Variants in TIAM1 observed in about 807,000 individuals in gnomAD.
The protein encoded by TIAM1 is rho guanine nucleotide exchange factor TIAM1.
TIAM1 carries 65 observed loss-of-function variants against 163.5 expected under a neutral mutation model. The ratio of observed to expected loss-of-function variants is 0.40; its 90% confidence interval spans 0.33 to 0.49. TIAM1 has a LOEUF of 0.49. TIAM1 is among the 20% of genes least tolerant of loss of function. The probability of loss-of-function intolerance (pLI) is 0.77; values close to 1 mark genes in which losing one functional copy is unlikely to be tolerated. For synonymous variants in TIAM1, 833 were observed against 810.1 expected (o/e 1.03, Z -0.48); for missense variants, 1,789 against 2,044.7 (o/e 0.87, Z 2.41).
intron 20 of TIAM1, among the ~76,000 whole-genome samples, chr21:31,142,463 CAAAAAAAAAAAA>C (rs34368848): frequency 2.0e-5 from 1 of 49,926 alleles, no homozygotes; most frequent in South Asian, 1.1e-3. Context: ...ACTAAAAATA[CAAAAAAAAAAAA>C]AAAAAAAAAA....
At chr21:31,546,610 G>A (rs1014443116) in intron 1 of TIAM1, among the ~76,000 whole-genome samples, 1 of 146,592 alleles carries the variant, frequency 6.8e-6, no homozygotes, top group African/African-American at 2.4e-5. Flanking sequence ...TGAGAAAAAT[G>A]GAGAAGGGTG....
intron 15 of TIAM1, among the ~76,000 whole-genome samples, chr21:31,180,275 T>A (rs567183624): frequency 6.6e-6 from 1 of 151,970 alleles, no homozygotes; most frequent in African/African-American, 2.4e-5. Flanking sequence ...AAAAACAAAT[T>A]GTGAGCAATC....
intron 26 of TIAM1, 107 bp from the exon 27 acceptor site, chr21:31,124,801 A>T: frequency 1.0e-6 from 1 of 963,608 alleles, no homozygotes; most frequent in Non-Finnish European, 1.5e-6. Flanking sequence ...GCCAAAGGCT[A>T]AAGACTGAGG....
At chr21:31,487,302 G>A (rs1333414331) in intron 1 of TIAM1, among the ~76,000 whole-genome samples, 2 of 152,122 alleles carry the variant, frequency 1.3e-5, no homozygotes, top group South Asian at 4.1e-4. Flanking sequence ...ATACTGCCAC[G>A]GTTCACACGT....
intron 20 of TIAM1, among the ~76,000 whole-genome samples, chr21:31,142,149 A>G (rs566708720): frequency 2.0e-5 from 3 of 152,186 alleles, no homozygotes; most frequent in African/African-American, 4.8e-5. Context: ...TCTGGCCCGC[A>G]TGGCATGGGG....
At chr21:31,422,017 C>A (rs535831585) in intron 2 of TIAM1, among the ~76,000 whole-genome samples, 5 of 152,056 alleles carry the variant, frequency 3.3e-5, no homozygotes, top group African/African-American at 1.2e-4. Context: ...GACAGAATGA[C>A]CCTGTCTCTA....
intron 3 of TIAM1, among the ~76,000 whole-genome samples, chr21:31,272,212 A>C (rs1458803461): frequency 6.6e-6 from 1 of 152,232 alleles, no homozygotes; most frequent in African/African-American, 2.4e-5. Flanking sequence ...TAAGTGTTGA[A>C]TATTTCATGT....
At chr21:31,199,951 T>C (rs1172489595) in intron 12 of TIAM1, among the ~76,000 whole-genome samples, 1 of 150,334 alleles carries the variant, frequency 6.7e-6, no homozygotes, top group African/African-American at 2.4e-5. Context: ...TAAAATAAAA[T>C]AGCAACAAGA....
intron 27 of TIAM1, among the ~76,000 whole-genome samples, chr21:31,123,273 C>A (rs186839793): frequency 2.7e-4 from 41 of 152,282 alleles, no homozygotes; most frequent in Admixed American, 1.1e-3. Flanking sequence ...TATTCCCAAA[C>A]CTTTTTAAAC....
intron 2 of TIAM1, among the ~76,000 whole-genome samples, chr21:31,376,442 A>C (rs1487742978): frequency 6.6e-6 from 1 of 152,184 alleles, no homozygotes; most frequent in Non-Finnish European, 1.5e-5. Flanking sequence ...AGGGAAAGAC[A>C]TACAGTGTTT....
At chr21:31,528,352 A>C (rs977232538) in intron 1 of TIAM1, among the ~76,000 whole-genome samples, 1 of 151,904 alleles carries the variant, frequency 6.6e-6, no homozygotes, top group Non-Finnish European at 1.5e-5. Flanking sequence ...CTGTCTCTAC[A>C]AAAAATTTGA....
At chr21:31,546,073 T>TA (rs397866875) in intron 1 of TIAM1, among the ~76,000 whole-genome samples, 2 of 151,318 alleles carry the variant, frequency 1.3e-5, no homozygotes, top group African/African-American at 4.9e-5. Context: ...TAATTTATTT[T>TA]AAAAAAAATT....
At position 31,245,481 on chromosome 21, in the gene TIAM1, A is replaced by G; in HGVS notation, c.1584+7T>C. The G allele has an allele frequency of 6.7e-7, 1 of 1,490,530 alleles. No individual in the cohort carries two copies. Among genetic ancestry groups the G allele is most frequent in the Admixed American group, 2.1e-5 (1 of 47,232 alleles). The allele number at this position is 1,490,530 out of a possible 1,614,324, so 92.3% of individuals were successfully genotyped here. A position where few individuals can be genotyped will look rare whatever the true frequency, so the allele number is the denominator to read the frequency against. On this transcript the variant is annotated splice_region_variant and intron_variant, in intron 6 of 27. Coordinates refer to ENST00000541036, the MANE Select transcript of TIAM1 (RefSeq NM_001353694.2). ...GAAATGCCCTGCAAAGGAAGTGCCCAACAAACCTGAAAAAGGAAGGCATCA... is the reference window on the plus strand; with the variant it reads ...GAAATGCCCTGCAAAGGAAGTGCCCGACAAACCTGAAAAAGGAAGGCATCA...
chr21:31,553,755 C>G lies in TIAM1; in HGVS notation c.-422+5172G>C, dbSNP rs1011448245. Among the ~76,000 whole-genome samples the G allele has an allele frequency of 1.5e-4, 23 of 152,072 alleles. 1 individual carries two copies. The highest frequency in any genetic ancestry group is 3.2e-4 in the Non-Finnish European group (22 of 67,998). On this transcript the variant is annotated intron_variant, in intron 1 of 28. Transcript: ENST00000286827. ...GGTTTTGCAGGTCAGACCCTCACCC[C>G]TACCTCAAGGCCCCTCAACAAGCAG...
At chr21:31,232,964 T>C (rs2088523841) in intron 6 of TIAM1, among the ~76,000 whole-genome samples, 1 of 152,160 alleles carries the variant, frequency 6.6e-6, no homozygotes, top group Admixed American at 6.5e-5. Flanking sequence ...CAGACAAATA[T>C]AATCAGCAAA....
At chr21:31,427,295 G>A (rs1602252514) in intron 2 of TIAM1, among the ~76,000 whole-genome samples, 1 of 152,088 alleles carries the variant, frequency 6.6e-6, no homozygotes, top group East Asian at 1.9e-4. Flanking sequence ...GACCATCCTG[G>A]CTAATATGGT....
intron 2 of TIAM1, among the ~76,000 whole-genome samples, chr21:31,401,950 C>A (rs545435971): frequency 6.6e-6 from 1 of 151,666 alleles, no homozygotes; most frequent in South Asian, 2.1e-4. Context: ...CATGGTGGCT[C>A]ACACCTGTAA....
At chr21:31,222,717 T>A (rs1225975437) in intron 8 of TIAM1, among the ~76,000 whole-genome samples, 22 of 95,188 alleles carry the variant, frequency 2.3e-4, no homozygotes, top group Non-Finnish European at 3.1e-4. Flanking sequence ...ATTTTTTTTT[T>A]TTTTTTTTTT....
At chr21:31,409,349 C>A (rs2147235102) in intron 2 of TIAM1, among the ~76,000 whole-genome samples, 1 of 152,206 alleles carries the variant, frequency 6.6e-6, no homozygotes, top group East Asian at 1.9e-4. Context: ...ACCTCGTGAT[C>A]CACCCGCCTC....
Sources: gnomAD v4.1 joint callset for allele counts (sites outside exome capture counted in the v4.1 genomes callset) on GRCh38, gnomAD v4.1.1 for gene constraint, MANE v1.5 for transcripts, NCBI Gene and HGNC (gene_info 2026-07-23, HGNC 2026-07-21) for gene names.